Variants in SH3RF2 observed in about 807,000 individuals in gnomAD.
SH3RF2 encodes SH3 domain containing ring finger 2.
Under a neutral mutation model 59.0 loss-of-function variants are expected in SH3RF2, and 43 were observed. That is an observed-to-expected ratio of 0.73 (90% CI 0.57 to 0.94). The LOEUF (loss-of-function observed/expected upper bound fraction) is 0.94, where lower values mean the gene tolerates loss of function less well. SH3RF2 is among the 40% of genes least tolerant of loss of function. SH3RF2 has a pLI of 0.00. For synonymous variants in SH3RF2, 391 were observed against 391.5 expected, an observed-to-expected ratio of 1.00 and a Z score of 0.01; for missense variants, 930 against 940.1, an observed-to-expected ratio of 0.99 and a Z score of 0.14.
Position 146,049,200 on chromosome 5 carries a change from G to GGCGAGTC in SH3RF2, c.1279_1285dup (p.Gly429AlafsTer19). ...CTCAGGGGCGTCTCCTTGGTCACCG[G>GGCGAGTC]GCGAGTCGGCATCTTCCCAAACAAT... On this transcript the variant is annotated frameshift_variant, in exon 7 of 10. Coordinates refer to ENST00000359120, the MANE Select transcript of SH3RF2 (RefSeq NM_152550.4). LOFTEE classifies it high-confidence loss of function. 6.2e-7 allele frequency: 1 copy of GGCGAGTC among 1,613,822 alleles called. No individual in the cohort carries two copies. Among genetic ancestry groups the GGCGAGTC allele is most frequent in the Non-Finnish European group, 8.5e-7 (1 of 1,179,892 alleles).
At chr5:146,018,992 C>G (rs995391149) in intron 5 of SH3RF2, among the ~76,000 whole-genome samples, 1 of 151,920 alleles carries the variant, frequency 6.6e-6, no homozygotes, top group Non-Finnish European at 1.5e-5. Flanking sequence ...ATTTGAGTTC[C>G]TTGTAGATTC....
At position 145,938,094 on chromosome 5, in the gene SH3RF2, G is replaced by C; in HGVS notation, c.166G>C (p.Val56Leu). The change falls in exon 2 of 10, where the codon GTG becomes CTG. Residue 56 changes from valine to leucine, a missense_variant. Coordinates refer to ENST00000359120, the MANE Select transcript of SH3RF2 (RefSeq NM_152550.4). ...GCGGTGCCCCGAATGCAGGACGCCT[G>C]TGTTTTCCAACATTGAGGCGCTGCC... ...ELRCPECRTPVFSNIEALPAN... is the reference protein window; with the variant it reads ...ELRCPECRTPLFSNIEALPAN... The C allele has an allele frequency of 6.2e-7, 1 of 1,614,246 alleles. No individual in the cohort carries two copies. The highest frequency in any genetic ancestry group is 1.1e-5 in the South Asian group (1 of 91,084).
chr5:145,997,645 G>C (rs1228592926), intron 2 of SH3RF2: 2 of 1,575,814 alleles, frequency 1.3e-6, no homozygotes, highest in African/African-American at 1.3e-5. Context: ...GCCACTTTAT[G>C]AGCAACTGTT....
chr5:145,937,552 G>A (rs993369052), intron 1 of SH3RF2, among the ~76,000 whole-genome samples: 6 of 152,072 alleles, frequency 3.9e-5, no homozygotes, highest in South Asian at 2.1e-4. Flanking sequence ...GGGTTGGGGG[G>A]CCACTTCAGC....
chr5:145,963,205 C>CT (rs944853429), intron 2 of SH3RF2, among the ~76,000 whole-genome samples: 8 of 151,710 alleles, frequency 5.3e-5, no homozygotes, highest in African/African-American at 7.3e-5. Flanking sequence ...CCTTATTCCA[C>CT]TTTTTTTTAA....
intron 9 of SH3RF2, among the ~76,000 whole-genome samples, chr5:146,071,727 T>C (rs1218470343): frequency 1.3e-5 from 2 of 152,316 alleles, no homozygotes. Flanking sequence ...TGTTACTAGC[T>C]ATGTTTCCTT....
chr5:145,978,827 G>T (rs1357680342), intron 2 of SH3RF2, among the ~76,000 whole-genome samples: 1 of 152,176 alleles, frequency 6.6e-6, no homozygotes, highest in Admixed American at 6.5e-5. Flanking sequence ...GCAGGTTTCT[G>T]CCAGGTTTTA....
chr5:146,011,802 A>G (rs570744670), intron 4 of SH3RF2, among the ~76,000 whole-genome samples: 1 of 152,112 alleles, frequency 6.6e-6, no homozygotes, highest in African/African-American at 2.4e-5. Context: ...GGGTTTTCTA[A>G]ATATACAATC....
At chr5:146,069,761 G>A (rs1227126769) in intron 9 of SH3RF2, among the ~76,000 whole-genome samples, 1 of 151,792 alleles carries the variant, frequency 6.6e-6, no homozygotes, top group East Asian at 1.9e-4. Flanking sequence ...TTTTGTAGAG[G>A]TAGGGTTTTG....
chr5:146,034,908 C>T lies in SH3RF2; in HGVS notation c.1060-12864C>T, dbSNP rs116432432. On this transcript the variant is annotated intron_variant, in intron 5 of 9. Coordinates refer to ENST00000359120, the MANE Select transcript of SH3RF2 (RefSeq NM_152550.4). ...AATCACTTGAGGTCAGAGCTGGAGACCAGCCTGGCCAACATGGTGAAACCC... is the reference window on the plus strand; with the variant it reads ...AATCACTTGAGGTCAGAGCTGGAGATCAGCCTGGCCAACATGGTGAAACCC... Among the ~76,000 whole-genome samples the T allele has an allele frequency of 4.4e-3, 669 of 152,226 alleles. 1 individual carries two copies. Among genetic ancestry groups the T allele is most frequent in the Non-Finnish European group, 6.8e-3 (461 of 68,012 alleles).
chr5:146,025,489 T>C (rs976266767), intron 5 of SH3RF2, among the ~76,000 whole-genome samples: 4 of 152,252 alleles, frequency 2.6e-5, no homozygotes, highest in African/African-American at 9.6e-5. Context: ...AGGCCCAAGT[T>C]TGTTCAGCTT....
intron 2 of SH3RF2, among the ~76,000 whole-genome samples, chr5:145,952,415 A>T (rs771901718): frequency 7.9e-5 from 12 of 152,090 alleles, no homozygotes; most frequent in Non-Finnish European, 1.5e-4. Context: ...AAAAAAAAAC[A>T]ACTTTTGTTC....
At chr5:146,020,915 C>T (rs2149997711) in intron 5 of SH3RF2, among the ~76,000 whole-genome samples, 1 of 152,268 alleles carries the variant, frequency 6.6e-6, no homozygotes, top group African/African-American at 2.4e-5. Context: ...CTGGGCTCCT[C>T]ATCTGGGAAG....
chr5:145,996,949 T>C (rs1455860878), intron 2 of SH3RF2, among the ~76,000 whole-genome samples: 1 of 152,202 alleles, frequency 6.6e-6, no homozygotes, highest in Non-Finnish European at 1.5e-5. Flanking sequence ...ATGATCCACA[T>C]ACACACTTAG....
In SH3RF2 at chr5:145,956,321, G is replaced by A. The variant is rs115058992; in HGVS notation, c.378+18015G>A. On this transcript the variant is annotated intron_variant, in intron 2 of 9. Transcript: ENST00000359120. Reference sequence around the variant, plus strand: ...GAGACAGAGTGAGACTGTCACCCAGGCCTGACTGCAGTGGCCCAATCTCAG... The same window carrying A: ...GAGACAGAGTGAGACTGTCACCCAGACCTGACTGCAGTGGCCCAATCTCAG... 2.1e-3 allele frequency among the ~76,000 whole-genome samples: 323 copies of A among 152,052 alleles called. 3 individuals are homozygous for A. Among genetic ancestry groups the A allele is most frequent in the African/African-American group, 7.6e-3 (315 of 41,458 alleles).
At chr5:146,041,265 GC>G (rs1762116600) in intron 5 of SH3RF2, among the ~76,000 whole-genome samples, 1 of 152,204 alleles carries the variant, frequency 6.6e-6, no homozygotes. Context: ...GTCCAGGCAA[GC>G]CTCTTGTGCT....
intron 2 of SH3RF2, among the ~76,000 whole-genome samples, chr5:145,985,606 A>G (rs1209796284): frequency 3.9e-5 from 6 of 152,214 alleles, no homozygotes; most frequent in Non-Finnish European, 7.3e-5. Flanking sequence ...CCTTCTACCC[A>G]TGACTAAAGT....
intron 2 of SH3RF2, among the ~76,000 whole-genome samples, chr5:145,958,235 A>G (rs1325170809): frequency 6.6e-6 from 1 of 152,242 alleles, no homozygotes; most frequent in Non-Finnish European, 1.5e-5. Context: ...AAACCGTAAC[A>G]TCTACTTCAG....
At chr5:146,074,036 CTT>C (rs70998053) in intron 9 of SH3RF2, among the ~76,000 whole-genome samples, 48 of 117,190 alleles carry the variant, frequency 4.1e-4, no homozygotes, top group African/African-American at 9.5e-4. Context: ...CATTAACACT[CTT>C]TTTTTTTTTT....
Sources: allele counts gnomAD v4.1 joint callset (sites outside exome capture counted in the v4.1 genomes callset), GRCh38; gene constraint gnomAD v4.1.1; transcripts MANE v1.5; gene names NCBI Gene and HGNC (gene_info 2026-07-23, HGNC 2026-07-21).